Variants in LRGUK observed in about 807,000 individuals in gnomAD.
LRGUK encodes leucine rich repeats and guanylate kinase domain containing.
A neutral mutation model predicts 76.0 loss-of-function variants in LRGUK; 65 were observed. The observed-to-expected ratio is 0.85, with a 90% CI of 0.70 to 1.05. The LOEUF (loss-of-function observed/expected upper bound fraction) is 1.05, where lower values mean the gene tolerates loss of function less well. Ranked by LOEUF, LRGUK falls within the 50% of genes least tolerant of loss-of-function variation. The probability of loss-of-function intolerance (pLI) is 0.00; values close to 1 mark genes in which losing one functional copy is unlikely to be tolerated. For missense variants in LRGUK, 758 were observed against 732.8 expected (o/e 1.03, Z -0.40); for synonymous variants, 268 against 265.6 (o/e 1.01, Z -0.09).
chr7:134,199,621 G>A lies in LRGUK; in HGVS notation c.1747+200G>A, dbSNP rs537370743. Among the ~76,000 whole-genome samples, 16 of 152,180 alleles carry A rather than the reference G, an allele frequency of 1.1e-4. No homozygotes were observed. The South Asian group carries it at 2.7e-3, about 26-fold the overall frequency. On this transcript the variant is annotated intron_variant, in intron 14 of 15. Transcript: ENST00000645682. ...GAGCATTGTCTCAATTATTTCTTAA[G>A]ATTGTAGCTAATAAGATTTGGTGTA...
At chr7:134,237,050 C>CTTTTTTTTT (rs10555261) in intron 16 of LRGUK, among the ~76,000 whole-genome samples, 2 of 75,168 alleles carry the variant, frequency 2.7e-5, no homozygotes, top group African/African-American at 4.2e-5. Flanking sequence ...TTTTCTCTTT[C>CTTTTTTTTT]TTTTTTTTTT....
chr7:134,259,503 G>A (rs1313856060), intron 19 of LRGUK, among the ~76,000 whole-genome samples: 1 of 152,152 alleles, frequency 6.6e-6, no homozygotes, highest in Non-Finnish European at 1.5e-5. Flanking sequence ...GGAGGAACTA[G>A]CAAGATAATA....
intron 4 of LRGUK, among the ~76,000 whole-genome samples, chr7:134,143,438 G>T (rs1186105595): frequency 6.6e-6 from 1 of 152,118 alleles, no homozygotes; most frequent in Non-Finnish European, 1.5e-5. Flanking sequence ...CATTTGAATA[G>T]TAGTTATTAT....
intron 18 of LRGUK, among the ~76,000 whole-genome samples, chr7:134,251,363 A>C (rs552400258): frequency 3.3e-5 from 5 of 152,278 alleles, no homozygotes; most frequent in Admixed American, 3.3e-4. Flanking sequence ...CTTGCCAGCA[A>C]ACCACCGGAA....
chr7:134,221,851 T>C, exon 16 of LRGUK: 1 of 1,604,042 alleles, frequency 6.2e-7, no homozygotes, highest in Admixed American at 1.7e-5. Flanking sequence ...GGTGATTTCC[T>C]GCATTCTACA....
At chr7:134,262,433 T>A (rs540488641) in intron 19 of LRGUK, among the ~76,000 whole-genome samples, 97 of 152,318 alleles carry the variant, frequency 6.4e-4, no homozygotes, top group African/African-American at 2.1e-3. Flanking sequence ...CCTATTTTTT[T>A]AAATGGCAAT....
exon 7 of LRGUK, chr7:134,163,408 G>T: frequency 6.2e-7 from 1 of 1,612,318 alleles, no homozygotes; most frequent in Non-Finnish European, 8.5e-7. Flanking sequence ...GCAATAACCA[G>T]ATTGAGATGA....
intron 16 of LRGUK, among the ~76,000 whole-genome samples, chr7:134,232,174 C>T (rs1801916877): frequency 1.3e-5 from 2 of 152,156 alleles, no homozygotes; most frequent in Non-Finnish European, 2.9e-5. Flanking sequence ...GTCAGTGTAT[C>T]CCTAGCCCTC....
intron 7 of LRGUK, among the ~76,000 whole-genome samples, chr7:134,171,923 G>A (rs1236911264): frequency 6.6e-6 from 1 of 152,088 alleles, no homozygotes; most frequent in Non-Finnish European, 1.5e-5. Context: ...GTGGCACTTT[G>A]CTAATTCAGT....
At chr7:134,182,145 C>A (rs1341806061) in intron 10 of LRGUK, among the ~76,000 whole-genome samples, 1 of 152,060 alleles carries the variant, frequency 6.6e-6, no homozygotes, top group African/African-American at 2.4e-5. Context: ...CAGACTAATT[C>A]CCTGGAAATG....
chr7:134,265,313 C>T (rs2544183), downstream of LRGUK, among the ~76,000 whole-genome samples: 14,643 of 152,062 alleles, frequency 0.096, 1,821 homozygotes, highest in African/African-American at 0.28. Context: ...TTTTTCTCAC[C>T]GAATACAGCT....
chr7:134,235,900 C>T (rs1298053120), intron 16 of LRGUK, among the ~76,000 whole-genome samples: 1 of 152,086 alleles, frequency 6.6e-6, no homozygotes, highest in East Asian at 1.9e-4. Flanking sequence ...ATATTAAGTG[C>T]TCAGTAAGTG....
chr7:134,235,196 G>A (rs1309885565), intron 16 of LRGUK, among the ~76,000 whole-genome samples: 1 of 152,182 alleles, frequency 6.6e-6, no homozygotes, highest in Non-Finnish European at 1.5e-5. Flanking sequence ...GTTGCTCAGT[G>A]TCTTTCAGTT....
In LRGUK at chr7:134,150,283, C is replaced by CAAAAAAAAACA. The variant is rs55960970; in HGVS notation, c.670+1972_670+1973insACAAAAAAAAA. ...GAGCCCGAGACTCTGTCTCAAAAAA[C>CAAAAAAAAACA]AAAAAAAACAAAAAAAAACAAAAAA... On this transcript the variant is annotated intron_variant, in intron 5 of 15. Coordinates refer to ENST00000645682, the Ensembl canonical transcript of LRGUK. Among the ~76,000 whole-genome samples the CAAAAAAAAACA allele has an allele frequency of 4.8e-5, 7 of 147,232 alleles. 1 individual carries two copies. The South Asian group carries it at 1.1e-3, about 23-fold the overall frequency.
chr7:134,209,369 A>G, exon 16 of LRGUK: 1 of 399,106 alleles, frequency 2.5e-6, no homozygotes, highest in Non-Finnish European at 4.4e-6. Context: ...CTTGGTGCAG[A>G]AACTTGCTGG....
chr7:134,156,749 A>G (rs1186856166), intron 5 of LRGUK, among the ~76,000 whole-genome samples: 3 of 152,252 alleles, frequency 2.0e-5, no homozygotes, highest in Non-Finnish European at 4.4e-5. Context: ...AAAAAAATTA[A>G]TCTGCCTACA....
At chr7:134,128,254 G>C (rs1413165380) in intron 1 of LRGUK, among the ~76,000 whole-genome samples, 6 of 152,116 alleles carry the variant, frequency 3.9e-5, no homozygotes. Context: ...TATAATGTTC[G>C]AACAGCCAGC....
At chr7:134,242,788 G>A (rs1218592047) in intron 16 of LRGUK, among the ~76,000 whole-genome samples, 2 of 152,052 alleles carry the variant, frequency 1.3e-5, no homozygotes, top group Non-Finnish European at 2.9e-5. Context: ...GATGATCATC[G>A]ATGCAAAAAT....
At chr7:134,229,936 CA>C in intron 16 of LRGUK, among the ~76,000 whole-genome samples, 1 of 151,890 alleles carries the variant, frequency 6.6e-6, no homozygotes. Flanking sequence ...AATAATAGTT[CA>C]AAAAATAATG....
Sources: allele counts gnomAD v4.1 joint callset (sites outside exome capture counted in the v4.1 genomes callset), GRCh38; gene constraint gnomAD v4.1.1; transcripts MANE v1.5; gene names NCBI Gene and HGNC (gene_info 2026-07-23, HGNC 2026-07-21).